Variants in PTPRD observed in about 807,000 individuals in gnomAD.
PTPRD encodes protein tyrosine phosphatase receptor type D.
A neutral mutation model predicts 214.5 loss-of-function variants in PTPRD; 34 were observed. That is an observed-to-expected ratio of 0.16 (90% CI 0.12 to 0.21). The LOEUF (loss-of-function observed/expected upper bound fraction) is 0.21, where lower values mean the gene tolerates loss of function less well. PTPRD is among the 10% of genes least tolerant of loss of function. The pLI is 1.00. For missense variants in PTPRD, 2,545 were observed against 2,398.7 expected (o/e 1.06, Z -1.27); for synonymous variants, 1,128 against 845.7 (o/e 1.33, Z -5.79).
At chr9:8,845,182 A>ACC (rs1555421734) in intron 11 of PTPRD, among the ~76,000 whole-genome samples, 2 of 124,254 alleles carry the variant, frequency 1.6e-5, no homozygotes, top group African/African-American at 2.6e-5. Context: ...AAAAACAAAA[A>ACC]CAAAAAAAAA....
At chr9:9,347,839 T>C (rs2049452966) in intron 9 of PTPRD, among the ~76,000 whole-genome samples, 1 of 152,156 alleles carries the variant, frequency 6.6e-6, no homozygotes, top group African/African-American at 2.4e-5. Flanking sequence ...AAGCAATGAC[T>C]GGAAGAATTC....
chr9:10,246,976 C>A (rs2092216232), intron 3 of PTPRD, among the ~76,000 whole-genome samples: 1 of 151,892 alleles, frequency 6.6e-6, no homozygotes, highest in Admixed American at 6.6e-5. Flanking sequence ...GCAGTTAATA[C>A]TGGTAGATTT....
At chr9:8,692,573 T>A (rs977104242) in intron 12 of PTPRD, among the ~76,000 whole-genome samples, 5 of 152,178 alleles carry the variant, frequency 3.3e-5, no homozygotes, top group African/African-American at 7.2e-5. Context: ...ATCTCTACCA[T>A]AGGAAAGCTA....
Position 8,404,533 on chromosome 9 carries a change from T to G in PTPRD, c.4210+4A>C. On this transcript the variant is annotated splice_donor_region_variant and intron_variant, in intron 36 of 45. Coordinates refer to ENST00000381196, the MANE Select transcript of PTPRD (RefSeq NM_002839.4). ...AGGTATCAGTGATGTCTGCATTTCCTTACCTTCTATAGCTGATAGGAGAAC... is the reference window on the plus strand; with the variant it reads ...AGGTATCAGTGATGTCTGCATTTCCGTACCTTCTATAGCTGATAGGAGAAC... The G allele has an allele frequency of 1.2e-6, 2 of 1,607,462 alleles. No homozygotes were observed. The highest frequency in any genetic ancestry group is 1.7e-6 in the Non-Finnish European group (2 of 1,174,894).
intron 7 of PTPRD, among the ~76,000 whole-genome samples, chr9:9,719,288 G>T (rs1291956477): frequency 6.6e-6 from 1 of 152,078 alleles, no homozygotes; most frequent in Non-Finnish European, 1.5e-5. Context: ...ACCTCCAGTT[G>T]TCCACATAAC....
chr9:10,158,788 T>A (rs1338609146), intron 3 of PTPRD, among the ~76,000 whole-genome samples: 3 of 152,176 alleles, frequency 2.0e-5, no homozygotes, highest in Non-Finnish European at 2.9e-5. Context: ...GCAACCAGCC[T>A]CCTCAGTACC....
intron 5 of PTPRD, among the ~76,000 whole-genome samples, chr9:9,928,304 C>A (rs1232365304): frequency 6.6e-6 from 1 of 152,090 alleles, no homozygotes; most frequent in African/African-American, 2.4e-5. Context: ...AAATTTCATA[C>A]CACATTATTT....
intron 2 of PTPRD, among the ~76,000 whole-genome samples, chr9:10,610,589 A>C (rs1250965510): frequency 6.6e-6 from 1 of 152,038 alleles, no homozygotes; most frequent in Non-Finnish European, 1.5e-5. Flanking sequence ...TATAATCCAA[A>C]TCTGATCAGC....
At chr9:9,427,157 A>G (rs988429985) in intron 8 of PTPRD, among the ~76,000 whole-genome samples, 3 of 152,158 alleles carry the variant, frequency 2.0e-5, no homozygotes, top group Non-Finnish European at 4.4e-5. Context: ...AGAAGCTAAA[A>G]ACCTTGAAAA....
Position 10,193,494 on chromosome 9 carries a change from A to C in PTPRD, c.-545+147469T>G, listed in dbSNP as rs188617645. ...GGGAACAGAGTAATTGTCAAAAGGC[A>C]AACAAATGTAAAAGCGGGGGTGGGA... On this transcript the variant is annotated intron_variant, in intron 3 of 45. Coordinates refer to ENST00000381196, the MANE Select transcript of PTPRD (RefSeq NM_002839.4). Among the ~76,000 whole-genome samples, 9 of 152,262 alleles carry C rather than the reference A, an allele frequency of 5.9e-5. No homozygotes were observed. In the East Asian group the frequency reaches 1.7e-3, roughly 29 times the overall value.
intron 10 of PTPRD, among the ~76,000 whole-genome samples, chr9:9,131,995 T>C (rs1001659584): frequency 1.3e-5 from 2 of 151,846 alleles, no homozygotes; most frequent in Admixed American, 1.3e-4. Flanking sequence ...GGGCCACTAG[T>C]TTTTTGTTTG....
At chr9:9,668,246 G>A (rs923743211) in intron 7 of PTPRD, among the ~76,000 whole-genome samples, 9 of 152,060 alleles carry the variant, frequency 5.9e-5, no homozygotes, top group African/African-American at 2.2e-4. Flanking sequence ...TCCCCCTTAT[G>A]CAACACTATT....
intron 6 of PTPRD, among the ~76,000 whole-genome samples, chr9:9,753,200 A>T (rs1306997405): frequency 2.6e-5 from 4 of 152,024 alleles, no homozygotes; most frequent in Non-Finnish European, 5.9e-5. Context: ...CACTACTGTA[A>T]TTGAGGGGCC....
chr9:10,342,452 T>C (rs988804811), intron 2 of PTPRD, among the ~76,000 whole-genome samples: 4 of 152,086 alleles, frequency 2.6e-5, no homozygotes, highest in African/African-American at 9.7e-5. Flanking sequence ...TGTATCAACA[T>C]TGTAAAGAAC....
At chr9:9,643,128 A>C (rs1342147301) in intron 7 of PTPRD, among the ~76,000 whole-genome samples, 1 of 152,196 alleles carries the variant, frequency 6.6e-6, no homozygotes, top group Non-Finnish European at 1.5e-5. Flanking sequence ...AGAAATTTGC[A>C]ATTTAACTAC....
chr9:9,098,598 GTGTC>G (rs1456978877), intron 10 of PTPRD, among the ~76,000 whole-genome samples: 1 of 152,078 alleles, frequency 6.6e-6, no homozygotes, highest in Non-Finnish European at 1.5e-5. Context: ...TACAATTTGA[GTGTC>G]TGTAATATAA....
chr9:10,409,239 C>A (rs2098409258), intron 2 of PTPRD, among the ~76,000 whole-genome samples: 1 of 151,700 alleles, frequency 6.6e-6, no homozygotes, highest in South Asian at 2.1e-4. Flanking sequence ...ATAGAAATAT[C>A]TTTTGATGAG....
At chr9:10,122,887 T>A (rs963813941) in intron 3 of PTPRD, among the ~76,000 whole-genome samples, 1 of 152,176 alleles carries the variant, frequency 6.6e-6, no homozygotes, top group Non-Finnish European at 1.5e-5. Context: ...TGAGAGGAAT[T>A]TCCTTGACAG....
chr9:8,884,297 A>G (rs941357566), intron 11 of PTPRD, among the ~76,000 whole-genome samples: 2 of 152,210 alleles, frequency 1.3e-5, no homozygotes, highest in African/African-American at 4.8e-5. Flanking sequence ...ACAGAGAAGG[A>G]AAAGGATGAT....
Sources: allele counts gnomAD v4.1 joint callset (sites outside exome capture counted in the v4.1 genomes callset), GRCh38; gene constraint gnomAD v4.1.1; transcripts MANE v1.5; gene names NCBI Gene and HGNC (gene_info 2026-07-23, HGNC 2026-07-21).